TAF4: variants seen among roughly 807,000 people sequenced by gnomAD.
TAF4 encodes transcription initiation factor TFIID subunit 4.
A neutral mutation model predicts 90.3 loss-of-function variants in TAF4; 9 were observed. That is an observed-to-expected ratio of 0.10 (90% CI 0.06 to 0.17). TAF4 has a LOEUF of 0.17. Ranked by LOEUF, TAF4 falls within the 10% of genes least tolerant of loss-of-function variation. TAF4 has a pLI of 1.00. For missense variants in TAF4, 1,351 were observed against 1,370.7 expected (o/e 0.99, Z 0.23); for synonymous variants, 818 against 638.9 (o/e 1.28, Z -4.23).
Position 62,010,170 on chromosome 20 carries a change from A to G in TAF4, c.1642-5T>C. On this transcript the variant is annotated splice_region_variant and splice_polypyrimidine_tract_variant and intron_variant, in intron 3 of 14. Coordinates refer to ENST00000252996, the MANE Select transcript of TAF4 (RefSeq NM_003185.4). The surrounding 1 kb of genome is among the most constrained non-coding windows in gnomAD (Gnocchi z 4.5). ...GCCACCCAGAACGAGCTGAGGCTAC[A>G]AGAATCCAAAAACACAAGGTAAGGG... is the stretch of plus-strand genomic sequence containing the variant. 6.2e-7 allele frequency: 1 copy of G among 1,613,776 alleles called. No homozygotes were observed. The highest frequency in any genetic ancestry group is 1.1e-5 in the South Asian group (1 of 91,062).
At chr20:62,017,965 T>C (rs1490456459) in intron 1 of TAF4, among the ~76,000 whole-genome samples, 2 of 151,890 alleles carry the variant, frequency 1.3e-5, no homozygotes. Flanking sequence ...CACAGAAGTG[T>C]AGGGAAACAG....
At chr20:62,009,579 G>T (rs1391808122) in intron 4 of TAF4, among the ~76,000 whole-genome samples, 1 of 152,218 alleles carries the variant, frequency 6.6e-6, no homozygotes, top group African/African-American at 2.4e-5. Flanking sequence ...CACCAAAAAG[G>T]CGTCAAGTGG....
Position 62,064,929 on chromosome 20 carries a change from C to G in TAF4, c.882G>C (p.Ala294=). ...CGGCGGCGGGGGGCGGCACGGCGGG[C>G]GCGGCGGTCGGGGGTCCGGCGGGGT... ...PGHPAGPPTA[A]PAVPPPAAAQ... is the part of the protein sequence containing the mutation. Residue 294 remains alanine (A), a synonymous_variant, in exon 1 of 15, where the codon GCG becomes GCC. Coordinates refer to ENST00000252996, the MANE Select transcript of TAF4 (RefSeq NM_003185.4). 1 of 589,092 alleles carries G rather than the reference C, an allele frequency of 1.7e-6. No homozygotes were observed. The highest frequency in any genetic ancestry group is 2.1e-6 in the Non-Finnish European group (1 of 480,392). The allele number at this position is 589,092 out of a possible 1,614,324, so 36.5% of individuals were successfully genotyped here. A position where few individuals can be genotyped will look rare whatever the true frequency, so the allele number is the denominator to read the frequency against.
intron 1 of TAF4, among the ~76,000 whole-genome samples, chr20:62,029,068 C>A (rs1432338753): frequency 6.6e-6 from 1 of 151,840 alleles, no homozygotes; most frequent in Non-Finnish European, 1.5e-5. Context: ...CGGTGGTGGG[C>A]GCCTGTAGTC....
chr20:62,013,035 A>T, intron 2 of TAF4, 101 bp from the exon 3 acceptor site: 1 of 1,503,440 alleles, frequency 6.7e-7, no homozygotes, highest in South Asian at 1.3e-5. Flanking sequence ...TAGTATATCC[A>T]AGTGGGTCCC....
intron 1 of TAF4, among the ~76,000 whole-genome samples, chr20:62,051,255 G>T (rs1198405481): frequency 6.6e-6 from 1 of 152,142 alleles, no homozygotes; most frequent in Non-Finnish European, 1.5e-5. Flanking sequence ...GCCCCAGCCA[G>T]TCACAGAGGC....
At chr20:62,043,408 A>ATTTC (rs2055975018) in intron 1 of TAF4, among the ~76,000 whole-genome samples, 1 of 152,296 alleles carries the variant, frequency 6.6e-6, no homozygotes, top group South Asian at 2.1e-4. Flanking sequence ...AGTTTGAAAA[A>ATTTC]GTTAAGTTTA....
intron 1 of TAF4, among the ~76,000 whole-genome samples, chr20:62,032,380 C>T (rs1448748047): frequency 6.6e-6 from 1 of 152,258 alleles, no homozygotes; most frequent in Non-Finnish European, 1.5e-5. Flanking sequence ...ACAAGCATCG[C>T]TTCTCTTCCA....
At chr20:62,048,615 C>A (rs886386054) in intron 1 of TAF4, among the ~76,000 whole-genome samples, 1 of 152,062 alleles carries the variant, frequency 6.6e-6, no homozygotes, top group Non-Finnish European at 1.5e-5. Flanking sequence ...CGTCACCAGG[C>A]TCCATCCCCA....
rs774399731 is a variant in TAF4, at chr20:62,007,531, G to A, written c.1974+16C>T. The A allele has an allele frequency of 1.1e-5, 17 of 1,613,272 alleles. No homozygotes were observed. The highest frequency in any genetic ancestry group is 1.4e-5 in the Non-Finnish European group (16 of 1,179,480). ...CTGGCCCTACTGCTCGCAGGCACCG[G>A]GGCCTTTGAAATTACCTTCAGGAAA... On this transcript the variant is annotated intron_variant, in intron 6 of 14. Coordinates refer to ENST00000252996, the MANE Select transcript of TAF4 (RefSeq NM_003185.4).
Position 62,006,357 on chromosome 20 carries a change from T to G in TAF4, c.2223+153A>C. On this transcript the variant is annotated intron_variant, in intron 7 of 14. Transcript: ENST00000252996. This position sits in a 1 kb window ranked among gnomAD's most constrained non-coding sequence, Gnocchi z 7.0. The stretch of plus-strand genomic sequence containing the variant: ...CAGGGCCTCAACCTCTGGTTTCTAT[T>G]TTAACTATTTAAGGTAATACCCAAG... The G allele has an allele frequency of 9.5e-7, 1 of 1,052,464 alleles. No homozygotes were observed. The highest frequency in any genetic ancestry group is 1.2e-6 in the Non-Finnish European group (1 of 816,426). The allele number at this position is 1,052,464 out of a possible 1,614,324, so 65.2% of individuals were successfully genotyped here.
intron 14 of TAF4, among the ~76,000 whole-genome samples, chr20:61,987,696 C>T (rs963346059): frequency 4.6e-5 from 7 of 152,238 alleles, no homozygotes; most frequent in African/African-American, 1.7e-4. Context: ...TCTTACCACA[C>T]GGTCCAGCAA....
chr20:61,979,966 C>G (rs888644687), intron 14 of TAF4, among the ~76,000 whole-genome samples: 3 of 152,368 alleles, frequency 2.0e-5, no homozygotes, highest in Middle Eastern at 3.4e-3. Flanking sequence ...CCACAAGGGC[C>G]GGCACCAACA....
rs149804556 is a variant in TAF4, at chr20:62,003,848, G to C, written c.2254C>G (p.Leu752Val). The C allele has an allele frequency of 1.0e-5, 16 of 1,588,638 alleles. No individual in the cohort carries two copies. The highest frequency in any genetic ancestry group is 2.2e-4 in the Middle Eastern group (1 of 4,548). The stretch of plus-strand genomic sequence containing the variant: ...AACGTCACCTGCGGGGGCCGGATCA[G>C]GGCTCCTGGCTTCGGAGGCTGCTGG... ...VIQQPPKPGA[L>V]IRPPQVTLTQ... is the part of the protein sequence containing the mutation. Residue 752 changes from leucine (L) to valine (V), a missense_variant, in exon 8 of 15, where the codon CTG (leucine) becomes GTG (valine). By Grantham distance (32) the Leu-to-Val change is conservative. Around this residue, in one of 9 missense-constraint regions of TAF4, gnomAD observed 202 missense variants for 229.7 expected, o/e 0.88. Transcript: ENST00000252996.
intron 14 of TAF4, among the ~76,000 whole-genome samples, chr20:61,989,985 T>TGAGGTGG (rs2055621086): frequency 6.6e-6 from 1 of 151,898 alleles, no homozygotes; most frequent in Non-Finnish European, 1.5e-5. Flanking sequence ...GGCATCTGTG[T>TGAGGTGG]GAGGTGGGAA....
intron 9 of TAF4, 33 bp from the exon 10 acceptor site, chr20:62,000,754 T>C: frequency 3.1e-6 from 5 of 1,610,402 alleles, no homozygotes; most frequent in Non-Finnish European, 4.2e-6. Context: ...ACTTTAACTG[T>C]ACAAGGAATT....
At chr20:62,040,041 A>G (rs2055955041) in intron 1 of TAF4, among the ~76,000 whole-genome samples, 1 of 152,242 alleles carries the variant, frequency 6.6e-6, no homozygotes, top group Non-Finnish European at 1.5e-5. Flanking sequence ...GGTGAGACAC[A>G]ATGCAAAACA....
chr20:62,064,847 G>A lies in TAF4; in HGVS notation c.964C>T (p.Pro322Ser), dbSNP rs1288167597. Residue 322 changes from proline to serine, a missense_variant, in exon 1 of 15, where the codon CCC (proline) becomes TCC (serine). This residue lies in a region of TAF4 where 782 missense variants were observed against 536.6 expected (regional missense o/e 1.46). Coordinates refer to ENST00000252996, the MANE Select transcript of TAF4 (RefSeq NM_003185.4). ...APAPAPAAGG[P>S]AGVSGQPGPG... ...CCGGGTTGGCCGCTGACCCCCGCGG[G>A]GCCCCCGGCGGCCGGGGCGGGGGCG... The A allele has an allele frequency of 1.0e-6, 1 of 966,996 alleles. No individual in the cohort carries two copies. Among genetic ancestry groups the A allele is most frequent in the East Asian group, 1.2e-4 (1 of 8,276 alleles). 59.9% of individuals were successfully genotyped at this position (966,996 alleles called of 1,614,324 possible).
At chr20:62,008,564 C>T (rs1003092484) in intron 5 of TAF4, among the ~76,000 whole-genome samples, 4 of 150,928 alleles carry the variant, frequency 2.7e-5, no homozygotes, top group South Asian at 2.1e-4. Context: ...GTGGGGGGGA[C>T]GGCTCTGCCA....
Sources: allele counts gnomAD v4.1 joint callset (sites outside exome capture counted in the v4.1 genomes callset), GRCh38; gene constraint gnomAD v4.1.1; regional missense constraint gnomAD v4.1.1; non-coding constraint Gnocchi (gnomAD v3.1); transcripts MANE v1.5; gene names NCBI Gene and HGNC (gene_info 2026-07-23, HGNC 2026-07-21).